The following MBD5 variants were observed in gnomAD, a reference collection of about 807,000 sequenced individuals.
MBD5 encodes methyl-CpG binding domain protein 5, also known as methyl-CpG-binding domain protein 5.
MBD5 carries 13 observed loss-of-function variants against 117.3 expected under a neutral mutation model. The ratio of observed to expected loss-of-function variants is 0.11; its 90% CI spans 0.07 to 0.18. MBD5 has a LOEUF of 0.18. Among genes scored for constraint, MBD5 ranks in the 10% least tolerant of loss-of-function variants. The pLI is 1.00. For synonymous variants in MBD5, 727 were observed against 766.4 expected, an observed-to-expected ratio of 0.95 and a Z score of 0.85; for missense variants, 1,879 against 2,093.8, an observed-to-expected ratio of 0.90 and a Z score of 2.00.
At chr2:148,363,978 T>G (rs1703620778) in intron 4 of MBD5, among the ~76,000 whole-genome samples, 1 of 152,018 alleles carries the variant, frequency 6.6e-6, no homozygotes, top group Admixed American at 6.6e-5. Context: ...AACATTCAAA[T>G]TCAGGAAATA....
At chr2:148,493,645 A>T (rs1041953835) in intron 11 of MBD5, among the ~76,000 whole-genome samples, 1 of 152,218 alleles carries the variant, frequency 6.6e-6, no homozygotes. Flanking sequence ...ATACATTAAT[A>T]TTTTAGCAGA....
chr2:148,077,810 G>A (rs1695543325), intron 1 of MBD5, among the ~76,000 whole-genome samples: 1 of 152,098 alleles, frequency 6.6e-6, no homozygotes, highest in Non-Finnish European at 1.5e-5. Flanking sequence ...TATAGCATGA[G>A]GGTAGGGTGA....
intron 1 of MBD5, among the ~76,000 whole-genome samples, chr2:148,042,689 C>T (rs1301327146): frequency 6.6e-6 from 1 of 151,898 alleles, no homozygotes; most frequent in Non-Finnish European, 1.5e-5. Context: ...AATTGCAAAC[C>T]TCAAATCTCT....
intron 3 of MBD5, among the ~76,000 whole-genome samples, chr2:148,323,325 T>C (rs1305411712): frequency 6.6e-6 from 1 of 152,154 alleles, no homozygotes; most frequent in East Asian, 1.9e-4. Context: ...TGTGTCTTTA[T>C]AGCAGCATGA....
At chr2:148,066,849 C>T (rs571065348) in intron 1 of MBD5, among the ~76,000 whole-genome samples, 86 of 152,256 alleles carry the variant, frequency 5.6e-4, no homozygotes, top group South Asian at 1.2e-3. Flanking sequence ...CATTTACCTG[C>T]GTTTGTCTCA....
chr2:148,368,084 C>T (rs560379244), intron 4 of MBD5, among the ~76,000 whole-genome samples: 1 of 152,124 alleles, frequency 6.6e-6, no homozygotes, highest in Non-Finnish European at 1.5e-5. Flanking sequence ...TCCAAATGCT[C>T]GTCAGTGATA....
At chr2:148,322,276 A>G (rs1434415768) in intron 3 of MBD5, among the ~76,000 whole-genome samples, 1 of 152,228 alleles carries the variant, frequency 6.6e-6, no homozygotes, top group Non-Finnish European at 1.5e-5. Context: ...CTTCATTTAT[A>G]ACGTTCAAGT....
chr2:148,106,239 G>T (rs1200400636), intron 1 of MBD5, among the ~76,000 whole-genome samples: 1 of 151,824 alleles, frequency 6.6e-6, no homozygotes, highest in African/African-American at 2.4e-5. Context: ...CCATTTTGGG[G>T]TGTTCGTGTA....
chr2:148,392,497 T>G (rs575440154), intron 4 of MBD5, among the ~76,000 whole-genome samples: 1 of 152,310 alleles, frequency 6.6e-6, no homozygotes, highest in Non-Finnish European at 1.5e-5. Context: ...TGCTGATGAT[T>G]CTTAGGCTAC....
At chr2:148,103,934 C>T (rs896237253) in intron 1 of MBD5, among the ~76,000 whole-genome samples, 21 of 152,204 alleles carry the variant, frequency 1.4e-4, no homozygotes, top group African/African-American at 4.8e-4. Context: ...AAGTACCATG[C>T]TTGACCAAGG....
intron 1 of MBD5, among the ~76,000 whole-genome samples, chr2:148,102,305 A>G (rs903083219): frequency 1.3e-5 from 2 of 152,216 alleles, no homozygotes; most frequent in African/African-American, 4.8e-5. Context: ...AAAAAAATCA[A>G]AAAACAAAAA....
At chr2:148,331,884 T>C (rs1450929215) in intron 3 of MBD5, among the ~76,000 whole-genome samples, 2 of 152,136 alleles carry the variant, frequency 1.3e-5, no homozygotes, top group African/African-American at 4.8e-5. Context: ...GCAATCAATT[T>C]TTAAGCCAAA....
intron 3 of MBD5, among the ~76,000 whole-genome samples, chr2:148,254,861 C>T (rs1426199457): frequency 6.6e-6 from 1 of 152,138 alleles, no homozygotes; most frequent in East Asian, 1.9e-4. Flanking sequence ...ACGAGCCAGC[C>T]CCACCCATCA....
chr2:148,483,452 A>T lies in MBD5; in HGVS notation c.2861A>T (p.Asn954Ile). 1 of 1,613,986 alleles carries T rather than the reference A, an allele frequency of 6.2e-7. No homozygotes were observed. Among genetic ancestry groups the T allele is most frequent in the Non-Finnish European group, 8.5e-7 (1 of 1,179,968 alleles). ...PSAGEGKSEI[N>I]LHPLGFLNPN... Reference sequence around the variant, plus strand: ...GCAGGAGAAGGCAAGTCTGAGATCAACCTCCACCCTTTAGGTTTTCTCAAC... The same window carrying T: ...GCAGGAGAAGGCAAGTCTGAGATCATCCTCCACCCTTTAGGTTTTCTCAAC... Residue 954 changes from asparagine (N) to isoleucine (I), a missense_variant, in exon 9 of 14, where the codon AAC becomes ATC. Asn to Ile is a moderately radical substitution (Grantham distance 149, BLOSUM62 -3). Coordinates refer to ENST00000642680, the MANE Select transcript of MBD5 (RefSeq NM_001378120.1).
chr2:148,232,294 T>A (rs1384435240), intron 2 of MBD5, among the ~76,000 whole-genome samples: 3 of 152,128 alleles, frequency 2.0e-5, no homozygotes, highest in Non-Finnish European at 4.4e-5. Flanking sequence ...AACAAGGGAG[T>A]CTTAAATTCA....
At chr2:148,057,366 T>A (rs1694896407) in intron 1 of MBD5, among the ~76,000 whole-genome samples, 1 of 151,918 alleles carries the variant, frequency 6.6e-6, no homozygotes, top group African/African-American at 2.4e-5. Flanking sequence ...AATTATCCTT[T>A]AAGTACTGCT....
chr2:148,322,484 T>C (rs1189526558), intron 3 of MBD5, among the ~76,000 whole-genome samples: 1 of 152,232 alleles, frequency 6.6e-6, no homozygotes, highest in Non-Finnish European at 1.5e-5. Flanking sequence ...TTTATGAAAT[T>C]TGATCTTAAT....
chr2:148,133,477 T>C (rs920981218), intron 1 of MBD5, among the ~76,000 whole-genome samples: 3 of 152,220 alleles, frequency 2.0e-5, no homozygotes, highest in Non-Finnish European at 2.9e-5. Flanking sequence ...TGTTTTATTC[T>C]TTGTTTTTCT....
At chr2:148,200,548 C>T (rs1699108285) in intron 2 of MBD5, among the ~76,000 whole-genome samples, 10 of 152,028 alleles carry the variant, frequency 6.6e-5, no homozygotes, top group Admixed American at 6.6e-4. Flanking sequence ...AAAAAATTAG[C>T]TGGGCATGGT....
Sources: allele counts gnomAD v4.1 joint callset (sites outside exome capture counted in the v4.1 genomes callset), GRCh38; gene constraint gnomAD v4.1.1; transcripts MANE v1.5; gene names NCBI Gene and HGNC (gene_info 2026-07-23, HGNC 2026-07-21).